Variants in KCTD1 observed in about 807,000 individuals in gnomAD.
KCTD1 encodes potassium channel tetramerization domain containing 1, also known as BTB/POZ domain-containing protein KCTD1.
KCTD1 carries 24 observed loss-of-function variants against 66.0 expected under a neutral mutation model. The observed-to-expected ratio is 0.36, with a 90% CI of 0.26 to 0.51. The LOEUF is 0.51. Ranked by LOEUF, KCTD1 falls within the 20% of genes least tolerant of loss-of-function variation. The pLI is 0.95. For synonymous variants in KCTD1, 511 were observed against 517.2 expected (o/e 0.99, Z 0.16); for missense variants, 943 against 1,205.2 (o/e 0.78, Z 3.22).
intron 1 of KCTD1, 72 bp downstream of exon 1, chr18:26,546,656 T>C: frequency 6.9e-7 from 1 of 1,457,116 alleles, no homozygotes; most frequent in Non-Finnish European, 9.1e-7. Context: ...TACCCAGAGC[T>C]GCATTAGCAC....
At chr18:26,549,709 G>C, upstream of KCTD1, 1 of 985,314 alleles carries the variant, frequency 1.0e-6, no homozygotes. Context: ...CGGCAATTCG[G>C]ATCCGGAGCG....
At chr18:26,652,678 G>A (rs543954957) in intron 1 of KCTD1, among the ~76,000 whole-genome samples, 5 of 152,218 alleles carry the variant, frequency 3.3e-5, no homozygotes, top group South Asian at 2.1e-4. Context: ...AAAAAGAGCC[G>A]GCCGATGAGT....
chr18:26,458,858 CCTT>C (rs1980247911), intron 4 of KCTD1: 1 of 152,268 alleles, frequency 6.6e-6, no homozygotes, highest in Non-Finnish European at 1.5e-5. Flanking sequence ...TGCCTGGTCT[CCTT>C]GTTTCTCCTA....
intron 3 of KCTD1, among the ~76,000 whole-genome samples, chr18:26,464,232 G>C (rs1334956649): frequency 6.6e-6 from 1 of 152,160 alleles, no homozygotes; most frequent in Admixed American, 6.5e-5. Context: ...CTTCCTTCTG[G>C]AGGCTCTGGG....
chr18:26,652,739 A>T (rs1988059932), intron 1 of KCTD1, among the ~76,000 whole-genome samples: 2 of 152,208 alleles, frequency 1.3e-5, no homozygotes, highest in South Asian at 4.1e-4. Flanking sequence ...AAATGGAGGG[A>T]GGGATTAAAG....
At chr18:26,513,624 A>G (rs1241215635) in intron 1 of KCTD1, among the ~76,000 whole-genome samples, 2 of 152,224 alleles carry the variant, frequency 1.3e-5, no homozygotes, top group Non-Finnish European at 2.9e-5. Flanking sequence ...TGGCCTTGGC[A>G]AATTCTTTTC....
chr18:26,614,387 C>T (rs1987203868), intron 1 of KCTD1, among the ~76,000 whole-genome samples: 1 of 152,220 alleles, frequency 6.6e-6, no homozygotes, highest in Admixed American at 6.5e-5. Context: ...CATGACTATG[C>T]TCCAAAGCAA....
intron 1 of KCTD1, among the ~76,000 whole-genome samples, chr18:26,601,326 T>TTAAAAAAAAAAA (rs1555646203): frequency 3.2e-5 from 3 of 93,250 alleles, no homozygotes; most frequent in Admixed American, 1.2e-4. Flanking sequence ...TGTTCATTGG[T>TTAAAAAAAAAAA]AAAAAAAAAA....
intron 1 of KCTD1, among the ~76,000 whole-genome samples, chr18:26,569,819 T>G (rs1415541599): frequency 6.6e-6 from 1 of 152,194 alleles, no homozygotes; most frequent in African/African-American, 2.4e-5. Flanking sequence ...TATAAAGCTA[T>G]TCACTCCCAA....
At chr18:26,646,804 G>A (rs1170742633) in intron 1 of KCTD1, among the ~76,000 whole-genome samples, 1 of 152,070 alleles carries the variant, frequency 6.6e-6, no homozygotes, top group African/African-American at 2.4e-5. Context: ...GAAACATTCT[G>A]TTTCTAATGC....
intron 1 of KCTD1, among the ~76,000 whole-genome samples, chr18:26,621,797 A>G (rs937406849): frequency 3.3e-5 from 5 of 152,226 alleles, no homozygotes; most frequent in Admixed American, 2.0e-4. Context: ...TGCATTCCAG[A>G]AAACACATTT....
intron 2 of KCTD1, among the ~76,000 whole-genome samples, chr18:26,480,750 G>A (rs1426887534): frequency 6.6e-6 from 1 of 152,112 alleles, no homozygotes; most frequent in African/African-American, 2.4e-5. Context: ...CTGGGCAACA[G>A]AGCGAGACTT....
chr18:26,583,081 A>AT (rs1350535089), intron 1 of KCTD1, among the ~76,000 whole-genome samples: 2 of 152,194 alleles, frequency 1.3e-5, no homozygotes, highest in East Asian at 3.9e-4. Flanking sequence ...ATTTAAAAAA[A>AT]ATATGATGGA....
chr18:26,553,311 CAG>C (rs1346776063), upstream of KCTD1, among the ~76,000 whole-genome samples: 2 of 152,002 alleles, frequency 1.3e-5, no homozygotes, highest in Non-Finnish European at 2.9e-5. Flanking sequence ...TTTTTGAACT[CAG>C]ATGAAAATTG....
At chr18:26,549,829 G>A, upstream of KCTD1, 1 of 984,738 alleles carries the variant, frequency 1.0e-6, no homozygotes, top group South Asian at 4.7e-5. Context: ...CAAAGAGCTC[G>A]CCGGGTCTCG....
intron 4 of KCTD1, chr18:26,457,704 C>T (rs960430817): frequency 3.3e-5 from 5 of 152,216 alleles, no homozygotes; most frequent in African/African-American, 1.2e-4. Flanking sequence ...ACGTTCACAG[C>T]AAAGTTCCTT....
Position 26,599,510 on chromosome 18 carries a change from A to T in KCTD1, c.-16+29637T>A, listed in dbSNP as rs1379056164. ...GTCTGGTGGATGAGCTTCAAGGTTA[A>T]CTGGCAATGAGGGCCGTGGGTCTGT... On this transcript the variant is annotated intron_variant, in intron 1 of 4. Transcript: ENST00000317932. 30 of 1,586,406 alleles carry T rather than the reference A, an allele frequency of 1.9e-5. No individual in the cohort carries two copies. The East Asian group carries it at 6.5e-4, about 34-fold the overall frequency.
intron 1 of KCTD1, among the ~76,000 whole-genome samples, chr18:26,534,866 T>C (rs1256657398): frequency 6.6e-6 from 1 of 152,196 alleles, no homozygotes; most frequent in East Asian, 1.9e-4. Flanking sequence ...ACTTCTCCTA[T>C]ACTTTTTTCT....
chr18:26,585,298 A>G (rs1182114299), intron 1 of KCTD1, among the ~76,000 whole-genome samples: 1 of 152,230 alleles, frequency 6.6e-6, no homozygotes, highest in Non-Finnish European at 1.5e-5. Context: ...TTATCTAACC[A>G]TATTGGTAAT....
Sources: allele counts gnomAD v4.1 joint callset (sites outside exome capture counted in the v4.1 genomes callset), GRCh38; gene constraint gnomAD v4.1.1; transcripts MANE v1.5; gene names NCBI Gene and HGNC (gene_info 2026-07-23, HGNC 2026-07-21).